The following NDE1 variants were observed in gnomAD, a reference collection of about 807,000 sequenced individuals.
NDE1 encodes nuclear distribution protein nudE homolog 1.
A neutral mutation model predicts 43.4 loss-of-function variants in NDE1; 28 were observed. The observed-to-expected ratio is 0.65, with a 90% CI of 0.48 to 0.89. NDE1 has a LOEUF of 0.89. Among genes scored for constraint, NDE1 ranks in the 40% least tolerant of loss-of-function variants. The pLI, the probability that NDE1 is intolerant of heterozygous loss-of-function variation, is 0.00. For synonymous variants in NDE1, 184 were observed against 172.0 expected (o/e 1.07, Z -0.55); for missense variants, 441 against 434.1 (o/e 1.02, Z -0.14).
intron 3 of NDE1, among the ~76,000 whole-genome samples, chr16:15,669,978 A>G (rs1197459714): frequency 1.3e-5 from 2 of 152,186 alleles, no homozygotes; most frequent in East Asian, 3.9e-4. Context: ...GCAAGGGATC[A>G]CTAAGTCAAC....
At chr16:15,708,793 G>C in intron 8 of NDE1, 1 of 1,606,212 alleles carries the variant, frequency 6.2e-7, no homozygotes, top group South Asian at 1.1e-5. Context: ...CGAAGCTGAA[G>C]GCATGATACC....
upstream of NDE1, among the ~76,000 whole-genome samples, chr16:15,646,300 G>C (rs1236068987): frequency 6.6e-6 from 1 of 152,226 alleles, no homozygotes; most frequent in Non-Finnish European, 1.5e-5. Context: ...AGGGGGGCCA[G>C]GCGCAGTGGC....
intron 8 of NDE1, among the ~76,000 whole-genome samples, chr16:15,708,506 A>C (rs2039589829): frequency 6.6e-6 from 1 of 152,212 alleles, no homozygotes. Context: ...CAAGCTACAC[A>C]CACAGCCTCT....
intron 3 of NDE1, among the ~76,000 whole-genome samples, chr16:15,676,551 C>G (rs1025568326): frequency 8.5e-5 from 13 of 152,080 alleles, no homozygotes; most frequent in African/African-American, 2.9e-4. Context: ...TCAAACTGTT[C>G]CTTTTTTCTC....
chr16:15,696,206 T>C (rs1421357802), intron 7 of NDE1, among the ~76,000 whole-genome samples: 2 of 151,262 alleles, frequency 1.3e-5, no homozygotes, highest in East Asian at 3.9e-4. Context: ...AAAAATTTTT[T>C]GCATTAAAAA....
chr16:15,722,893 G>A (rs1205271617), intron 8 of NDE1, among the ~76,000 whole-genome samples: 4 of 152,116 alleles, frequency 2.6e-5, no homozygotes, highest in African/African-American at 7.2e-5. Flanking sequence ...ACAGGCGTGC[G>A]CCACCACGCC....
intron 4 of NDE1, among the ~76,000 whole-genome samples, chr16:15,679,997 T>A (rs978689598): frequency 6.6e-6 from 1 of 152,170 alleles, no homozygotes; most frequent in Non-Finnish European, 1.5e-5. Context: ...CAATCTGGTC[T>A]CATACTCCTG....
chr16:15,679,396 G>A (rs928158153), intron 4 of NDE1, among the ~76,000 whole-genome samples: 9 of 152,166 alleles, frequency 5.9e-5, no homozygotes, highest in South Asian at 2.1e-4. Flanking sequence ...GGTTCCTAAG[G>A]CTCTCTTCAT....
chr16:15,704,539 T>C (rs999937944), intron 8 of NDE1, among the ~76,000 whole-genome samples: 1 of 152,232 alleles, frequency 6.6e-6, no homozygotes, highest in South Asian at 2.1e-4. Context: ...GGGGCAGAGT[T>C]GAAGAGAGAA....
chr16:15,708,600 G>A (rs1355621761), intron 8 of NDE1, among the ~76,000 whole-genome samples: 8 of 152,204 alleles, frequency 5.3e-5, no homozygotes, highest in Admixed American at 3.3e-4. Context: ...GAAGGACAGT[G>A]GGTCAAGAGA....
chr16:15,654,737 A>G (rs932149458), intron 1 of NDE1, among the ~76,000 whole-genome samples: 1 of 147,806 alleles, frequency 6.8e-6, no homozygotes, highest in African/African-American at 2.5e-5. Flanking sequence ...ACTTGGATCT[A>G]GTTTGCCTCT....
chr16:15,652,843 T>C (rs1322250376), intron 1 of NDE1, among the ~76,000 whole-genome samples: 3 of 151,994 alleles, frequency 2.0e-5, no homozygotes, highest in Non-Finnish European at 4.4e-5. Flanking sequence ...TTTAAAATTT[T>C]TTGTAGAGAT....
chr16:15,674,799 C>T (rs1245589778), intron 3 of NDE1, among the ~76,000 whole-genome samples: 2 of 151,962 alleles, frequency 1.3e-5, no homozygotes, highest in Non-Finnish European at 2.9e-5. Context: ...GCAGCTTCAA[C>T]CTCCCAGGCT....
intron 4 of NDE1, among the ~76,000 whole-genome samples, chr16:15,679,607 T>C (rs1184536739): frequency 1.3e-5 from 2 of 152,202 alleles, no homozygotes; most frequent in Admixed American, 1.3e-4. Flanking sequence ...TTGAGGTTTC[T>C]TGACATCCTT....
At chr16:15,662,287 T>C (rs2037086229) in intron 1 of NDE1, among the ~76,000 whole-genome samples, 2 of 147,094 alleles carry the variant, frequency 1.4e-5, no homozygotes, top group South Asian at 4.4e-4. Flanking sequence ...TTTCTTTTTT[T>C]TTTTTTTTTT....
chr16:15,714,081 C>T (rs2039977052), intron 8 of NDE1: 1 of 152,402 alleles, frequency 6.6e-6, no homozygotes, highest in Non-Finnish European at 1.5e-5. Flanking sequence ...GCTGCGTCGC[C>T]CACCTGGATG....
chr16:15,666,565 C>T (rs2037318368), intron 2 of NDE1, among the ~76,000 whole-genome samples: 1 of 152,252 alleles, frequency 6.6e-6, no homozygotes, highest in South Asian at 2.1e-4. Context: ...CGCATGATCA[C>T]ACCTCTGCAT....
chr16:15,699,791 C>G (rs775510513), intron 8 of NDE1: 1 of 1,351,582 alleles, frequency 7.4e-7, no homozygotes, highest in East Asian at 4.5e-5. Flanking sequence ...CCGCTGCCGT[C>G]AGCCCAGGGG....
chr16:15,725,598 CAAG>C lies in NDE1; in HGVS notation c.*1348_*1350del, dbSNP rs1297765358. On this transcript the variant is annotated 3_prime_UTR_variant, in exon 9 of 9. Coordinates refer to ENST00000396354, the MANE Select transcript of NDE1 (RefSeq NM_017668.3). ...CCTACCCCTCCATCTCTTCCATTGA[CAAG>C]GAGGATATGAATGATCTTGACACTG... 10 of 406,192 alleles carry C rather than the reference CAAG, an allele frequency of 2.5e-5. No homozygotes were observed. The highest frequency in any genetic ancestry group is 1.6e-4 in the Admixed American group (4 of 24,694). The allele number at this position is 406,192 out of a possible 1,614,324, so 25.2% of individuals were successfully genotyped here. A position where few individuals can be genotyped will look rare whatever the true frequency, so the allele number is the denominator to read the frequency against.
Sources: allele counts gnomAD v4.1 joint callset (sites outside exome capture counted in the v4.1 genomes callset), GRCh38; gene constraint gnomAD v4.1.1; transcripts MANE v1.5; gene names NCBI Gene and HGNC (gene_info 2026-07-23, HGNC 2026-07-21).